The following C9orf40 variants were observed in gnomAD, a reference collection of about 807,000 sequenced individuals.
The protein encoded by C9orf40 is chromosome 9 open reading frame 40, also known as uncharacterized protein C9orf40.
A neutral mutation model predicts 7.9 loss-of-function variants in C9orf40; 2 were observed. The ratio of observed to expected loss-of-function variants is 0.25; its 90% CI spans 0.10 to 0.80. C9orf40 has a LOEUF of 0.80. Ranked by LOEUF, C9orf40 falls within the 30% of genes least tolerant of loss-of-function variation. The pLI, the probability that C9orf40 is intolerant of heterozygous loss-of-function variation, is 0.68. For missense variants in C9orf40, 256 were observed against 268.5 expected, an observed-to-expected ratio of 0.95 and a Z score of 0.33; for synonymous variants, 113 against 117.6, an observed-to-expected ratio of 0.96 and a Z score of 0.25.
Position 74,952,285 on chromosome 9 carries a change from C to T in C9orf40, c.327G>A (p.Gly109=). Residue 109 remains glycine, a synonymous_variant, in exon 1 of 2, where the codon GGG becomes GGA. Coordinates refer to ENST00000376854, the MANE Select transcript of C9orf40 (RefSeq NM_017998.3). This position sits in a 1 kb window ranked among gnomAD's most constrained non-coding sequence, Gnocchi z 5.4. ...LPPPPVLPGP[G]EELPGARLPG... ...GGAGCCGGGCGCCCGGGAGCTCCTCCCCCGGCCCCGGCAGTACGGGCGGCG... is the reference window on the plus strand; with the variant it reads ...GGAGCCGGGCGCCCGGGAGCTCCTCTCCCGGCCCCGGCAGTACGGGCGGCG... 1.5e-6 allele frequency: 2 copies of T among 1,305,292 alleles called. No homozygotes were observed. The highest frequency in any genetic ancestry group is 1.9e-6 in the Non-Finnish European group (2 of 1,031,622). The allele number at this position is 1,305,292 out of a possible 1,614,324, so 80.9% of individuals were successfully genotyped here.
Position 74,948,192 on chromosome 9 carries a change from A to G in C9orf40, c.441T>C (p.Phe147=). 6.2e-7 allele frequency: 1 copy of G among 1,608,066 alleles called. No homozygotes were observed. Among genetic ancestry groups the G allele is most frequent in the Non-Finnish European group, 8.5e-7 (1 of 1,176,924 alleles). ...AGTACTGGAAGGTATTATACTGCCAAAATTCTTCATTGTGCTTTAGAGAAA... is the reference window on the plus strand; with the variant it reads ...AGTACTGGAAGGTATTATACTGCCAGAATTCTTCATTGTGCTTTAGAGAAA... ...GVASRQHNEE[F]WQYNTFQYWR... is the part of the protein sequence containing the mutation. Residue 147 remains phenylalanine, a synonymous_variant, in exon 2 of 2, where the codon TTT becomes TTC. Transcript: ENST00000376854.
intron 1 of C9orf40, among the ~76,000 whole-genome samples, chr9:74,950,786 A>G (rs1832287026): frequency 6.6e-6 from 1 of 152,174 alleles, no homozygotes; most frequent in Non-Finnish European, 1.5e-5. Context: ...AATTTGGTGA[A>G]TTCTGAGAAA....
Position 74,946,786 on chromosome 9 carries a change from C to T in C9orf40, c.*1262G>A, listed in dbSNP as rs967560370. Reference sequence around the variant, plus strand: ...ACCCATTCTTAAATCCTTCATTACACAAAAAAAATCAAGTTTTTCTCTTTC... The same window carrying T: ...ACCCATTCTTAAATCCTTCATTACATAAAAAAAATCAAGTTTTTCTCTTTC... On this transcript the variant is annotated 3_prime_UTR_variant, in exon 2 of 2. Transcript: ENST00000376854. 8 of 151,772 alleles carry T rather than the reference C, an allele frequency of 5.3e-5. No homozygotes were observed. Among genetic ancestry groups the T allele is most frequent in the African/African-American group, 1.9e-4 (8 of 41,318 alleles). 9.4% of individuals were successfully genotyped at this position (151,772 alleles called of 1,614,324 possible).
Position 74,952,331 on chromosome 9 carries a change from G to A in C9orf40, c.281C>T (p.Thr94Ile), listed in dbSNP as rs753864908. 13 of 1,468,304 alleles carry A rather than the reference G, an allele frequency of 8.9e-6. No individual in the cohort carries two copies. The highest frequency in any genetic ancestry group is 1.2e-5 in the Non-Finnish European group (13 of 1,115,072). 91.0% of individuals were successfully genotyped at this position (1,468,304 alleles called of 1,614,324 possible). ...CGGCGGCGGCAGCGGCGGATCGCCTGTCTCCAGACCGTGGTCCTCACGCTC... is the reference window on the plus strand; with the variant it reads ...CGGCGGCGGCAGCGGCGGATCGCCTATCTCCAGACCGTGGTCCTCACGCTC... ...GQEREDHGLETGDPPLPPPPV... is the reference protein window; with the variant it reads ...GQEREDHGLEIGDPPLPPPPV... Residue 94 changes from threonine to isoleucine, a missense_variant, in exon 1 of 2, where the codon ACA (threonine) becomes ATA (isoleucine). Physicochemically the swap from Thr to Ile is moderately conservative, Grantham distance 89 (BLOSUM62 -1). Transcript: ENST00000376854. This position sits in a 1 kb window ranked among gnomAD's most constrained non-coding sequence, Gnocchi z 5.4.
Position 74,952,505 on chromosome 9 carries a change from C to T in C9orf40, c.107G>A (p.Arg36Gln), listed in dbSNP as rs773980785. Reference sequence around the variant, plus strand: ...CCCAGCATGCGCGACCCCGGGCGGCCGGATCCAGAGAGGCGGTGGCGGCGG... The same window carrying T: ...CCCAGCATGCGCGACCCCGGGCGGCTGGATCCAGAGAGGCGGTGGCGGCGG... ...EQPPPPPLWI[R>Q]PPGVAHAGQL... is the part of the protein sequence containing the mutation. Residue 36 changes from arginine to glutamine, a missense_variant, in exon 1 of 2, where the codon CGG becomes CAG. Transcript: ENST00000376854. This position sits in a 1 kb window ranked among gnomAD's most constrained non-coding sequence, Gnocchi z 5.4. 6.3e-7 allele frequency: 1 copy of T among 1,594,054 alleles called. No individual in the cohort carries two copies. The highest frequency in any genetic ancestry group is 1.3e-5 in the African/African-American group (1 of 74,420).
rs1832245530 is a variant in C9orf40, at chr9:74,946,796, C to T, written c.*1252G>A. 1 of 152,074 alleles carries T rather than the reference C, an allele frequency of 6.6e-6. No individual in the cohort carries two copies. The highest frequency in any genetic ancestry group is 1.5e-5 in the Non-Finnish European group (1 of 67,994). 9.4% of individuals were successfully genotyped at this position (152,074 alleles called of 1,614,324 possible). ...AAATCCTTCATTACACAAAAAAAATCAAGTTTTTCTCTTTCCCTCTCAATG... is the reference window on the plus strand; with the variant it reads ...AAATCCTTCATTACACAAAAAAAATTAAGTTTTTCTCTTTCCCTCTCAATG... On this transcript the variant is annotated 3_prime_UTR_variant, in exon 2 of 2. Transcript: ENST00000376854.
intron 1 of C9orf40, among the ~76,000 whole-genome samples, chr9:74,949,899 C>A (rs539274760): frequency 6.6e-6 from 1 of 152,034 alleles, no homozygotes; most frequent in Non-Finnish European, 1.5e-5. Flanking sequence ...CAGTGGCTCA[C>A]GCCTGTAATC....
In C9orf40 at chr9:74,947,456, T is replaced by G. The variant is rs1832252941; in HGVS notation, c.*592A>C. The G allele has an allele frequency of 6.6e-6, 1 of 152,614 alleles. No homozygotes were observed. Among genetic ancestry groups the G allele is most frequent in the African/African-American group, 2.4e-5 (1 of 41,442 alleles). 9.5% of individuals were successfully genotyped at this position (152,614 alleles called of 1,614,324 possible). ...ATCTTCAGTTGCCCATAGTAGAGCT[T>G]AACCAACATCAAATATTGGAAGCTT... On this transcript the variant is annotated 3_prime_UTR_variant, in exon 2 of 2. Coordinates refer to ENST00000376854, the MANE Select transcript of C9orf40 (RefSeq NM_017998.3).
Position 74,952,885 on chromosome 9 carries a change from C to A in C9orf40, c.-274G>T. On this transcript the variant is annotated 5_prime_UTR_variant, in exon 1 of 2. In the 5' UTR this introduces an upstream ATG that the reference lacks. Transcript: ENST00000376854. This position sits in a 1 kb window ranked among gnomAD's most constrained non-coding sequence, Gnocchi z 5.4. The stretch of plus-strand genomic sequence containing the variant: ...ACCGCGAAGCGGCGGAGATTCGAAC[C>A]TGCGCACAACGTGCGCGCGCGCACT... 2.3e-6 allele frequency: 1 copy of A among 443,078 alleles called. No homozygotes were observed. The highest frequency in any genetic ancestry group is 3.7e-5 in the East Asian group (1 of 26,872). The allele number at this position is 443,078 out of a possible 1,614,324, so 27.4% of individuals were successfully genotyped here.
In C9orf40 at chr9:74,948,181, T is replaced by C. The variant is rs754778387; in HGVS notation, c.452A>G (p.Asn151Ser). ...AGGATTCCTCCAGTACTGGAAGGTA[T>C]TATACTGCCAAAATTCTTCATTGTG... ...RQHNEEFWQY[N>S]TFQYWRNPLP... The change falls in exon 2 of 2, where the codon AAT (asparagine) becomes AGT (serine). Residue 151 changes from asparagine to serine, a missense_variant. Physicochemically the swap from Asn to Ser is conservative, Grantham distance 46. Transcript: ENST00000376854. 3.7e-6 allele frequency: 6 copies of C among 1,611,326 alleles called. No individual in the cohort carries two copies. The highest frequency in any genetic ancestry group is 2.5e-6 in the Non-Finnish European group (3 of 1,178,500).
Position 74,947,696 on chromosome 9 carries a change from CT to C in C9orf40, c.*351del. Reference sequence around the variant, plus strand: ...ATTCATTTTATATACCACAAATAAACTTTTTGGTGCAGATAGGAGGAATATT... The same window carrying C: ...ATTCATTTTATATACCACAAATAAACTTTTGGTGCAGATAGGAGGAATATT... On this transcript the variant is annotated 3_prime_UTR_variant, in exon 2 of 2. Coordinates refer to ENST00000376854, the MANE Select transcript of C9orf40 (RefSeq NM_017998.3). 1 of 165,932 alleles carries C rather than the reference CT, an allele frequency of 6.0e-6. No individual in the cohort carries two copies. The allele number at this position is 165,932 out of a possible 1,614,324, so 10.3% of individuals were successfully genotyped here.
rs140264373 is a variant in C9orf40 at position 74,947,987 on chromosome 9, C to G, written c.*61G>C. 2 of 1,469,650 alleles carry G rather than the reference C, an allele frequency of 1.4e-6. No homozygotes were observed. Among genetic ancestry groups the G allele is most frequent in the Non-Finnish European group, 1.9e-6 (2 of 1,077,376 alleles). 91.0% of individuals were successfully genotyped at this position (1,469,650 alleles called of 1,614,324 possible). A position where few individuals can be genotyped will look rare whatever the true frequency, so the allele number is the denominator to read the frequency against. ...GAAAATAACTTTTCCCTTAAGAATA[C>G]GAGAATTCACTTAGAGACATCTCCT... On this transcript the variant is annotated 3_prime_UTR_variant, in exon 2 of 2. Coordinates refer to ENST00000376854, the MANE Select transcript of C9orf40 (RefSeq NM_017998.3).
In C9orf40 at chr9:74,952,591, G is replaced by C. The variant is rs755336771; in HGVS notation, c.21C>G (p.Ala7=). Residue 7 remains alanine (A), a synonymous_variant, in exon 1 of 2, where the codon GCC becomes GCG. Coordinates refer to ENST00000376854, the MANE Select transcript of C9orf40 (RefSeq NM_017998.3). This position sits in a 1 kb window ranked among gnomAD's most constrained non-coding sequence, Gnocchi z 5.4. MAKRRA[A]EPVTFHVPWK... ...AAGGCACGTGGAACGTCACCGGCTCGGCCGCACGCCGCTTGGCCATGGGCC... is the reference window on the plus strand; with the variant it reads ...AAGGCACGTGGAACGTCACCGGCTCCGCCGCACGCCGCTTGGCCATGGGCC... 9 of 1,570,080 alleles carry C rather than the reference G, an allele frequency of 5.7e-6. No individual in the cohort carries two copies. The highest frequency in any genetic ancestry group is 4.3e-6 in the Non-Finnish European group (5 of 1,168,740).
At position 74,946,696 on chromosome 9, in the gene C9orf40, G is replaced by C. The variant is rs922919585; in HGVS notation, c.*1352C>G. The C allele has an allele frequency of 6.6e-6, 1 of 152,108 alleles. No homozygotes were observed. Among genetic ancestry groups the C allele is most frequent in the South Asian group, 2.1e-4 (1 of 4,836 alleles). 9.4% of individuals were successfully genotyped at this position (152,108 alleles called of 1,614,324 possible). ...GTAGGAAGTGGCAGTACAAGACTTT[G>C]AACCATGTCTGACCACAATGCAATA... On this transcript the variant is annotated 3_prime_UTR_variant, in exon 2 of 2. Coordinates refer to ENST00000376854, the MANE Select transcript of C9orf40 (RefSeq NM_017998.3).
chr9:74,949,081 T>C (rs953518414), intron 1 of C9orf40, among the ~76,000 whole-genome samples: 1 of 152,214 alleles, frequency 6.6e-6, no homozygotes, highest in African/African-American at 2.4e-5. Flanking sequence ...CACCGCCCAC[T>C]AACTCTGATC....
In C9orf40 at chr9:74,947,316, C is replaced by T. The variant is rs192575219; in HGVS notation, c.*732G>A. The T allele has an allele frequency of 5.2e-5, 8 of 152,714 alleles. No individual in the cohort carries two copies. The East Asian group carries it at 1.5e-3, about 29-fold the overall frequency. 9.5% of individuals were successfully genotyped at this position (152,714 alleles called of 1,614,324 possible). A position where few individuals can be genotyped will look rare whatever the true frequency, so the allele number is the denominator to read the frequency against. On this transcript the variant is annotated 3_prime_UTR_variant, in exon 2 of 2. Transcript: ENST00000376854. The stretch of plus-strand genomic sequence containing the variant: ...AGGTCTAAAGTAATAAGGAATAAAA[C>T]CATGCCTCGAAGCAATTCAAAACCA...
rs979396446 is a variant in C9orf40, at chr9:74,952,411, C to T, written c.201G>A (p.Ser67=). The T allele has an allele frequency of 1.3e-6, 2 of 1,589,656 alleles. No individual in the cohort carries two copies. ...TGTCACGGCGCTTGCTGGGCGAAGC[C>T]GAGGGCTCTGCCATGGTCCCTGCGT... ...KIDAGTMAEP[S]ASPSKRRDSG... is the part of the protein sequence containing the mutation. The change falls in exon 1 of 2, where the codon TCG becomes TCA. Residue 67 remains serine, a synonymous_variant. Transcript: ENST00000376854. This position sits in a 1 kb window ranked among gnomAD's most constrained non-coding sequence, Gnocchi z 5.4.
chr9:74,952,847 A>ATG lies in C9orf40; in HGVS notation c.-237_-236insCA, dbSNP rs1832324800. Reference sequence around the variant, plus strand: ...TCGCCGCCGCCGAGATGCGGCCCGGACGTTGAGAAGCAACCGCGAAGCGGC... The same window carrying ATG: ...TCGCCGCCGCCGAGATGCGGCCCGGATGCGTTGAGAAGCAACCGCGAAGCGGC... On this transcript the variant is annotated 5_prime_UTR_variant, in exon 1 of 2. Transcript: ENST00000376854. This position sits in a 1 kb window ranked among gnomAD's most constrained non-coding sequence, Gnocchi z 5.4. 1 of 480,230 alleles carries ATG rather than the reference A, an allele frequency of 2.1e-6. No individual in the cohort carries two copies. Among genetic ancestry groups the ATG allele is most frequent in the South Asian group, 3.4e-5 (1 of 29,482 alleles). The allele number at this position is 480,230 out of a possible 1,614,324, so 29.7% of individuals were successfully genotyped here.
chr9:74,948,762 C>T (rs967637217), intron 1 of C9orf40, among the ~76,000 whole-genome samples: 4 of 152,134 alleles, frequency 2.6e-5, no homozygotes, highest in African/African-American at 9.7e-5. Context: ...TCAGTAGCCA[C>T]ATGACCTAGT....
Sources: gnomAD v4.1 joint callset for allele counts (sites outside exome capture counted in the v4.1 genomes callset) on GRCh38, gnomAD v4.1.1 for gene constraint, Gnocchi (gnomAD v3.1) non-coding constraint, MANE v1.5 for transcripts, NCBI Gene and HGNC (gene_info 2026-07-23, HGNC 2026-07-21) for gene names.